TBC1D8: variants seen among roughly 807,000 people sequenced by gnomAD.
The protein encoded by TBC1D8 is TBC1 domain family member 8, also known as BUB2-like protein 1.
Under a neutral mutation model 118.8 loss-of-function variants are expected in TBC1D8, and 65 were observed. The ratio of observed to expected loss-of-function variants is 0.55; its 90% CI spans 0.45 to 0.67. TBC1D8 has a LOEUF of 0.67. TBC1D8 is among the 30% of genes least tolerant of loss of function. TBC1D8 has a pLI of 0.00. For missense variants in TBC1D8, 1,376 were observed against 1,471.2 expected (o/e 0.94, Z 1.06); for synonymous variants, 566 against 595.8 (o/e 0.95, Z 0.73).
At chr2:101,011,389 C>A in intron 18 of TBC1D8, 62 bp downstream of exon 18, 1 of 1,549,532 alleles carries the variant, frequency 6.5e-7, no homozygotes, top group Non-Finnish European at 8.9e-7. Context: ...GAGGGCAACC[C>A]CGGTGCCTCC....
At chr2:101,120,764 G>A (rs1678062028) in intron 1 of TBC1D8, among the ~76,000 whole-genome samples, 1 of 152,236 alleles carries the variant, frequency 6.6e-6, no homozygotes, top group Non-Finnish European at 1.5e-5. Flanking sequence ...CCCATGGGCA[G>A]TGACTCATGT....
chr2:101,011,936 A>G (rs1679247308), intron 17 of TBC1D8, among the ~76,000 whole-genome samples: 1 of 152,244 alleles, frequency 6.6e-6, no homozygotes, highest in South Asian at 2.1e-4. Flanking sequence ...GTAATTGGTA[A>G]TGATGTTAAA....
intron 1 of TBC1D8, among the ~76,000 whole-genome samples, chr2:101,099,260 AC>A (rs1676669634): frequency 6.6e-6 from 1 of 152,268 alleles, no homozygotes; most frequent in Admixed American, 6.5e-5. Flanking sequence ...GAAAATCTAG[AC>A]AAAATGGATA....
Position 101,092,992 on chromosome 2 carries a change from C to G in TBC1D8, c.128-2628G>C, listed in dbSNP as rs371279152. Among the ~76,000 whole-genome samples the G allele has an allele frequency of 4.5e-4, 69 of 152,266 alleles. 1 individual carries two copies. In the South Asian group the frequency reaches 0.013, roughly 28 times the overall value. ...TCTCTTCTGCCTCTGCACCCTGAGACAGCAAGGCCAACCCCTCCTCCTCTT... is the reference window on the plus strand; with the variant it reads ...TCTCTTCTGCCTCTGCACCCTGAGAGAGCAAGGCCAACCCCTCCTCCTCTT... On this transcript the variant is annotated intron_variant, in intron 1 of 19. Coordinates refer to ENST00000409318, the MANE Select transcript of TBC1D8 (RefSeq NM_001330348.2).
intron 4 of TBC1D8, among the ~76,000 whole-genome samples, chr2:101,052,990 C>T (rs73943425): frequency 0.085 from 12,985 of 152,200 alleles, 1,580 homozygotes; most frequent in African/African-American, 0.27. Flanking sequence ...ATCTCCTTTG[C>T]GAAGTGCCTG....
At chr2:101,030,343 A>G (rs923129656) in intron 11 of TBC1D8, among the ~76,000 whole-genome samples, 1 of 152,228 alleles carries the variant, frequency 6.6e-6, no homozygotes, top group Non-Finnish European at 1.5e-5. Flanking sequence ...GTAACAACCA[A>G]CCTTTTTTAA....
chr2:101,012,913 A>G (rs1469129016), intron 17 of TBC1D8, among the ~76,000 whole-genome samples: 2 of 152,250 alleles, frequency 1.3e-5, no homozygotes, highest in African/African-American at 4.8e-5. Context: ...GCAGTGGCAC[A>G]TGTAAGAATC....
chr2:101,018,210 T>TA, intron 17 of TBC1D8: 1 of 295,274 alleles, frequency 3.4e-6, no homozygotes, highest in South Asian at 9.2e-5. Flanking sequence ...TAACACTGAC[T>TA]AAACATCACT....
chr2:101,026,398 G>C (rs1482937447), intron 15 of TBC1D8, among the ~76,000 whole-genome samples: 1 of 152,164 alleles, frequency 6.6e-6, no homozygotes, highest in African/African-American at 2.4e-5. Flanking sequence ...TGATGTGTAC[G>C]GGAGAAAGCG....
intron 11 of TBC1D8, among the ~76,000 whole-genome samples, chr2:101,030,135 T>A (rs1456359003): frequency 6.6e-6 from 1 of 152,182 alleles, no homozygotes; most frequent in East Asian, 1.9e-4. Flanking sequence ...AAATACAACA[T>A]TTCTTATGAC....
At chr2:101,049,883 G>C (rs1165051703) in intron 5 of TBC1D8, among the ~76,000 whole-genome samples, 1 of 151,102 alleles carries the variant, frequency 6.6e-6, no homozygotes, top group African/African-American at 2.4e-5. Flanking sequence ...CTGGAGTGCA[G>C]TGACGGCATC....
intron 1 of TBC1D8, among the ~76,000 whole-genome samples, chr2:101,143,297 G>A (rs1679192367): frequency 6.6e-6 from 1 of 151,900 alleles, no homozygotes; most frequent in South Asian, 2.1e-4. Context: ...TGCTGACCTC[G>A]TGATCTGCCC....
intron 1 of TBC1D8, among the ~76,000 whole-genome samples, chr2:101,096,402 T>C (rs1052395235): frequency 4.0e-5 from 5 of 125,186 alleles, no homozygotes; most frequent in Non-Finnish European, 7.9e-5. Context: ...ACCCAAAATA[T>C]TATGTCTGGC....
At chr2:101,074,561 T>C (rs1024349915) in intron 2 of TBC1D8, among the ~76,000 whole-genome samples, 1 of 152,146 alleles carries the variant, frequency 6.6e-6, no homozygotes, top group Non-Finnish European at 1.5e-5. Context: ...TAGAAGGAGG[T>C]ACACCTGTAG....
chr2:101,029,811 T>C, intron 11 of TBC1D8, 35 bp from the exon 12 acceptor site: 1 of 1,597,858 alleles, frequency 6.3e-7, no homozygotes, highest in Non-Finnish European at 8.6e-7. Context: ...CTGGCTGGGG[T>C]AGGACTCACT....
chr2:101,059,567 G>T (rs1380387664), intron 2 of TBC1D8, 28 bp from the exon 3 acceptor site: 5 of 1,542,756 alleles, frequency 3.2e-6, no homozygotes, highest in Non-Finnish European at 4.5e-6. Context: ...AAGATACAGA[G>T]ATTAAAAAAT....
At chr2:101,129,687 C>A (rs867526442) in intron 1 of TBC1D8, among the ~76,000 whole-genome samples, 16 of 151,536 alleles carry the variant, frequency 1.1e-4, no homozygotes, top group Admixed American at 6.6e-5. Flanking sequence ...AGGCAGATCA[C>A]GAGGTCAGGA....
At chr2:101,103,553 G>A (rs958319169) in intron 1 of TBC1D8, among the ~76,000 whole-genome samples, 18 of 151,854 alleles carry the variant, frequency 1.2e-4, no homozygotes, top group Non-Finnish European at 2.1e-4. Context: ...CACCACGCCC[G>A]GCTAATTTTT....
At chr2:101,094,542 G>A (rs747799678) in intron 1 of TBC1D8, among the ~76,000 whole-genome samples, 47 of 152,272 alleles carry the variant, frequency 3.1e-4, no homozygotes, top group Non-Finnish European at 4.9e-4. Flanking sequence ...GATAAAAACC[G>A]GAGGGACTTT....
Sources: gnomAD v4.1 joint callset for allele counts (sites outside exome capture counted in the v4.1 genomes callset) on GRCh38, gnomAD v4.1.1 for gene constraint, MANE v1.5 for transcripts, NCBI Gene and HGNC (gene_info 2026-07-23, HGNC 2026-07-21) for gene names.